Variants in LGALS4 observed in about 807,000 individuals in gnomAD.
LGALS4 encodes the protein galectin-4.
LGALS4 carries 37 observed loss-of-function variants against 39.6 expected under a neutral mutation model. That is an observed-to-expected ratio of 0.93 (90% CI 0.72 to 1.23). The LOEUF (loss-of-function observed/expected upper bound fraction) is 1.23, where lower values mean the gene tolerates loss of function less well. Among genes scored for constraint, LGALS4 ranks in the 50% most tolerant of loss-of-function variants. The probability of loss-of-function intolerance (pLI) is 0.00; values close to 1 mark genes in which losing one functional copy is unlikely to be tolerated. For synonymous variants in LGALS4, 160 were observed against 165.5 expected (o/e 0.97, Z 0.25); for missense variants, 397 against 433.2 (o/e 0.92, Z 0.74).
rs533021964 is a variant in LGALS4 at position 38,807,908 on chromosome 19, G to T, written c.339+836C>A. On this transcript the variant is annotated intron_variant, in intron 3 of 9. Transcript: ENST00000307751. ...TGCAGGATGTGCTTTGTTAAACAGA[G>T]GCTTGAAGGCAGCATGCTCCTTAAG... Among the ~76,000 whole-genome samples, 15 of 152,210 alleles carry T rather than the reference G, an allele frequency of 9.9e-5. No individual in the cohort carries two copies. In the East Asian group the frequency reaches 1.4e-3, roughly 14 times the overall value.
chr19:38,803,436 C>G (rs1387251093), intron 7 of LGALS4, 86 bp downstream of exon 7: 2 of 1,419,302 alleles, frequency 1.4e-6, no homozygotes, highest in African/African-American at 2.8e-5. Flanking sequence ...CCAAAACCCT[C>G]AGCCCACTCC....
chr19:38,805,161 C>A (rs1971407425), intron 4 of LGALS4, among the ~76,000 whole-genome samples: 1 of 101,848 alleles, frequency 9.8e-6, no homozygotes, highest in Non-Finnish European at 1.9e-5. Flanking sequence ...CAGACCCTGC[C>A]TCAAAAATAA....
chr19:38,808,960 C>A lies in LGALS4; in HGVS notation c.135-12G>T. ...AGTTCACGAAGAACCTGGCGGGACA[C>A]AAAGGGCTCATTCCCCTGGTGCCAC... On this transcript the variant is annotated splice_polypyrimidine_tract_variant and intron_variant, in intron 2 of 9. Coordinates refer to ENST00000307751, the MANE Select transcript of LGALS4 (RefSeq NM_006149.4). 6.3e-7 allele frequency: 1 copy of A among 1,589,858 alleles called. No homozygotes were observed. The highest frequency in any genetic ancestry group is 8.6e-7 in the Non-Finnish European group (1 of 1,167,360).
At chr19:38,805,163 C>CAAA (rs1206422105) in intron 4 of LGALS4, among the ~76,000 whole-genome samples, 5 of 96,154 alleles carry the variant, frequency 5.2e-5, no homozygotes, top group African/African-American at 2.4e-4. Flanking sequence ...GACCCTGCCT[C>CAAA]AAAAATAATA....
At chr19:38,806,815 C>A (rs1443525262) in intron 3 of LGALS4, among the ~76,000 whole-genome samples, 1 of 151,978 alleles carries the variant, frequency 6.6e-6, no homozygotes, top group African/African-American at 2.4e-5. Flanking sequence ...GGCATGGTGG[C>A]GGGCTCCTGT....
chr19:38,812,319 G>A, intron 2 of LGALS4, 112 bp downstream of exon 2: 2 of 841,914 alleles, frequency 2.4e-6, no homozygotes, highest in Non-Finnish European at 3.8e-6. Context: ...GGCAGAAAAA[G>A]AGTCCCCTCT....
chr19:38,803,264 G>GTATCATTAAAAAA, intron 7 of LGALS4: 1 of 566,312 alleles, frequency 1.8e-6, no homozygotes, highest in South Asian at 2.1e-5. Context: ...TGATCTGTCC[G>GTATCATTAAAAAA]CCTTGGCATC....
At chr19:38,803,978 T>A in intron 4 of LGALS4, 83 bp from the exon 5 acceptor site, 2 of 1,438,728 alleles carry the variant, frequency 1.4e-6, no homozygotes, top group Non-Finnish European at 1.9e-6. Flanking sequence ...TGCCCTGGGG[T>A]GGCCCACCAC....
At chr19:38,809,252 T>C (rs903586968) in intron 2 of LGALS4, among the ~76,000 whole-genome samples, 13 of 144,688 alleles carry the variant, frequency 9.0e-5, no homozygotes, top group Admixed American at 2.2e-4. Flanking sequence ...CGATCTCAGC[T>C]CACTGCAACC....
chr19:38,805,096 C>A (rs1027755113), intron 4 of LGALS4, among the ~76,000 whole-genome samples: 1 of 150,560 alleles, frequency 6.6e-6, no homozygotes, highest in Admixed American at 6.6e-5. Flanking sequence ...CCCAGGAAGT[C>A]AAGAATACAG....
At chr19:38,803,405 A>G (rs1971384149) in intron 7 of LGALS4, 117 bp downstream of exon 7, 1 of 1,015,976 alleles carries the variant, frequency 9.8e-7, no homozygotes, top group Non-Finnish European at 1.5e-6. Context: ...AACTCTATCT[A>G]CCCTTCCCCT....
In LGALS4 at chr19:38,808,860, C is replaced by A. The variant is rs144489112; in HGVS notation, c.223G>T (p.Val75Phe). ...TTCCCGCCCTGCAACGTGTTGAAGA[C>A]CACCTTGTCCCAGCCGTCAAACCGC... Reference protein sequence around the residue: ...NPRFDGWDKVVFNTLQGGKWG... With the variant: ...NPRFDGWDKVFFNTLQGGKWG... The change falls in exon 3 of 10, where the codon GTC (valine) becomes TTC (phenylalanine). Residue 75 changes from valine (V) to phenylalanine (F), a missense_variant. Val to Phe is a conservative substitution (Grantham distance 50). Coordinates refer to ENST00000307751, the MANE Select transcript of LGALS4 (RefSeq NM_006149.4). 3 of 1,614,036 alleles carry A rather than the reference C, an allele frequency of 1.9e-6. No individual in the cohort carries two copies. The African/African-American group carries it at 4.0e-5, about 22-fold the overall frequency.
rs1163117512 is a variant in LGALS4, at chr19:38,803,910, A to G, written c.475-15T>C. 5 of 1,604,306 alleles carry G rather than the reference A, an allele frequency of 3.1e-6. No individual in the cohort carries two copies. The South Asian group carries it at 4.5e-5, about 14-fold the overall frequency. ...ATCGGGGGTCCCTGTGGGCACAGAA[A>G]GAGAAAGCGGTTATGAGAGGGTCCC... On this transcript the variant is annotated splice_polypyrimidine_tract_variant and intron_variant, in intron 4 of 9. Coordinates refer to ENST00000307751, the MANE Select transcript of LGALS4 (RefSeq NM_006149.4).
intron 4 of LGALS4, among the ~76,000 whole-genome samples, 162 bp from the exon 5 acceptor site, chr19:38,804,057 G>T (rs1015959028): frequency 1.3e-5 from 2 of 152,142 alleles, no homozygotes. Flanking sequence ...ACGGAGAGGG[G>T]CACCCCATGT....
chr19:38,803,952 A>T (rs1971392873), intron 4 of LGALS4, 57 bp from the exon 5 acceptor site: 1 of 1,554,348 alleles, frequency 6.4e-7, no homozygotes, highest in African/African-American at 1.4e-5. Context: ...TGCGACTGAA[A>T]GATGTCGAGA....
intron 3 of LGALS4, among the ~76,000 whole-genome samples, chr19:38,808,225 AAATG>A (rs1367090721): frequency 6.6e-6 from 1 of 151,944 alleles, no homozygotes; most frequent in Non-Finnish European, 1.5e-5. Flanking sequence ...AAAAGGAAAT[AAATG>A]AAGGAGGGAA....
intron 3 of LGALS4, among the ~76,000 whole-genome samples, chr19:38,808,031 G>A (rs918435482): frequency 1.3e-5 from 2 of 151,970 alleles, no homozygotes; most frequent in African/African-American, 2.4e-5. Flanking sequence ...CTTTGTTCAC[G>A]TGTTTATCTG....
chr19:38,805,805 C>T (rs890532006), intron 4 of LGALS4, among the ~76,000 whole-genome samples: 1 of 152,194 alleles, frequency 6.6e-6, no homozygotes, highest in African/African-American at 2.4e-5. Flanking sequence ...GGCACCATGG[C>T]TCACACCTGT....
intron 7 of LGALS4, 113 bp from the exon 8 acceptor site, chr19:38,802,517 T>C (rs1416978543): frequency 1.3e-6 from 1 of 779,642 alleles, no homozygotes; most frequent in Non-Finnish European, 2.1e-6. Flanking sequence ...TTATAAGAGA[T>C]GGGGTCTTAC....
Sources: allele counts gnomAD v4.1 joint callset (sites outside exome capture counted in the v4.1 genomes callset), GRCh38; gene constraint gnomAD v4.1.1; transcripts MANE v1.5; gene names NCBI Gene and HGNC (gene_info 2026-07-23, HGNC 2026-07-21).